The following ZNF525 variants were observed in gnomAD, a reference collection of about 807,000 sequenced individuals.
ZNF525 encodes zinc finger protein 525.
A neutral mutation model predicts 37.6 loss-of-function variants in ZNF525; 33 were observed. The ratio of observed to expected loss-of-function variants is 0.88; its 90% CI spans 0.67 to 1.17. The LOEUF (loss-of-function observed/expected upper bound fraction) is 1.17, where lower values mean the gene tolerates loss of function less well. Ranked by LOEUF, ZNF525 falls within the 50% of genes most tolerant of loss-of-function variation. The pLI, the probability that ZNF525 is intolerant of heterozygous loss-of-function variation, is 0.00. For synonymous variants in ZNF525, 170 were observed against 182.3 expected (o/e 0.93, Z 0.54); for missense variants, 449 against 543.1 (o/e 0.83, Z 1.72).
Position 53,375,840 on chromosome 19 carries a change from A to G in ZNF525, c.86A>G (p.Gln29Arg), listed in dbSNP as rs908173610. The G allele has an allele frequency of 6.2e-7, 1 of 1,613,872 alleles. No individual in the cohort carries two copies. The highest frequency in any genetic ancestry group is 1.3e-5 in the African/African-American group (1 of 74,882). ...GAGTGGAAATGCCTGGACCCTGCTC[A>G]GAGGACTCTATACAGGGACGTGATG... Reference protein sequence around the residue: ...QEEWKCLDPAQRTLYRDVMLE... With the variant: ...QEEWKCLDPARRTLYRDVMLE... Residue 29 changes from glutamine (Q) to arginine (R), a missense_variant, in exon 3 of 4, where the codon CAG becomes CGG. Coordinates refer to ENST00000474037, the MANE Select transcript of ZNF525 (RefSeq NM_001348156.2).
rs79155456 is a variant in ZNF525 at position 53,371,977 on chromosome 19, C to T, written c.-67-238C>T. On this transcript the variant is annotated intron_variant, in intron 1 of 3. Coordinates refer to ENST00000474037, the MANE Select transcript of ZNF525 (RefSeq NM_001348156.2). ...GTATGAAGTTTGGTCAGGTCTGGGT[C>T]GGTGCCCTGAAGAGCTCATTCCAGC... 2.5e-3 allele frequency among the ~76,000 whole-genome samples: 377 copies of T among 152,218 alleles called. 2 individuals are homozygous for T. In the East Asian group the frequency reaches 0.029, roughly 12 times the overall value.
intron 1 of ZNF525, among the ~76,000 whole-genome samples, chr19:53,370,755 G>A (rs1286463203): frequency 3.3e-5 from 5 of 152,102 alleles, no homozygotes; most frequent in Admixed American, 6.5e-5. Flanking sequence ...GACTATCTTC[G>A]GGGCCTTTCT....
At chr19:53,367,319 T>G (rs1402385165) in intron 1 of ZNF525, among the ~76,000 whole-genome samples, 1 of 151,912 alleles carries the variant, frequency 6.6e-6, no homozygotes, top group Non-Finnish European at 1.5e-5. Context: ...ATACATTTTT[T>G]TTTTTAAATT....
At chr19:53,366,539 T>TGGGG (rs2085446437) in intron 1 of ZNF525, among the ~76,000 whole-genome samples, 1 of 40,152 alleles carries the variant, frequency 2.5e-5, no homozygotes, top group Non-Finnish European at 5.5e-5. Context: ...ACAGCAAAAG[T>TGGGG]GAAAAAAAAA....
chr19:53,376,232 C>T, intron 3 of ZNF525: 1 of 707,532 alleles, frequency 1.4e-6, no homozygotes, highest in Non-Finnish European at 2.6e-6. Flanking sequence ...GCGCCAACCC[C>T]CGTACCTAAC....
Position 53,372,491 on chromosome 19 carries a change from T to C in ZNF525, c.15+195T>C. 1.3e-5 allele frequency: 10 copies of C among 765,640 alleles called. No individual in the cohort carries two copies. The South Asian group carries it at 1.4e-4, about 11-fold the overall frequency. The allele number at this position is 765,640 out of a possible 1,614,324, so 47.4% of individuals were successfully genotyped here. On this transcript the variant is annotated intron_variant, in intron 2 of 3. Coordinates refer to ENST00000474037, the MANE Select transcript of ZNF525 (RefSeq NM_001348156.2). ...CAGTGACATGAACTTGGGAAGAGGC[T>C]GCACTGGGCATGGTCTTGGGAAGGG... is the stretch of plus-strand genomic sequence containing the variant.
chr19:53,386,220 T>C lies in ZNF525; in HGVS notation c.*4201T>C. ...TTTGCCATCGTGGTGTGTGCTTGACTCTGCTTCTTGCCACATCTTCTCAGA... is the reference window on the plus strand; with the variant it reads ...TTTGCCATCGTGGTGTGTGCTTGACCCTGCTTCTTGCCACATCTTCTCAGA... On this transcript the variant is annotated 3_prime_UTR_variant, in exon 4 of 4. Transcript: ENST00000474037. The C allele has an allele frequency of 1.6e-6, 1 of 641,230 alleles. No individual in the cohort carries two copies. The highest frequency in any genetic ancestry group is 1.4e-5 in the South Asian group (1 of 73,424). 39.7% of individuals were successfully genotyped at this position (641,230 alleles called of 1,614,324 possible). A position where few individuals can be genotyped will look rare whatever the true frequency, so the allele number is the denominator to read the frequency against.
chr19:53,372,912 A>G (rs2085497354), intron 2 of ZNF525, among the ~76,000 whole-genome samples: 1 of 152,170 alleles, frequency 6.6e-6, no homozygotes, highest in East Asian at 1.9e-4. Context: ...ATCCATTTGC[A>G]GCATATTAAG....
chr19:53,376,062 C>T, intron 3 of ZNF525, 166 bp downstream of exon 3: 1 of 1,450,962 alleles, frequency 6.9e-7, no homozygotes. Context: ...ATTGTCCCAC[C>T]TCAGCCTCCC....
chr19:53,367,840 T>C (rs2085459110), intron 1 of ZNF525, among the ~76,000 whole-genome samples: 1 of 152,204 alleles, frequency 6.6e-6, no homozygotes, highest in Non-Finnish European at 1.5e-5. Context: ...TTTCATGGCT[T>C]ACTGGGCCAG....
In ZNF525 at chr19:53,383,085, G is replaced by A; in HGVS notation, c.*1066G>A. 4 of 1,392,414 alleles carry A rather than the reference G, an allele frequency of 2.9e-6. No homozygotes were observed. The South Asian group carries it at 4.6e-5, about 16-fold the overall frequency. 86.3% of individuals were successfully genotyped at this position (1,392,414 alleles called of 1,614,324 possible). A position where few individuals can be genotyped will look rare whatever the true frequency, so the allele number is the denominator to read the frequency against. On this transcript the variant is annotated 3_prime_UTR_variant, in exon 4 of 4. Coordinates refer to ENST00000474037, the MANE Select transcript of ZNF525 (RefSeq NM_001348156.2). The stretch of plus-strand genomic sequence containing the variant: ...AACGCTTGCAAGTGTAATAAATGTG[G>A]CGAGGTTTTTAATCAACAAGCACAC...
chr19:53,376,778 C>T (rs904773177), intron 3 of ZNF525, among the ~76,000 whole-genome samples: 2 of 152,122 alleles, frequency 1.3e-5, no homozygotes, highest in African/African-American at 4.8e-5. Context: ...CAAAACCAGC[C>T]TGTCTAACGT....
In ZNF525 at chr19:53,383,229, AACCTT is replaced by A; in HGVS notation, c.*1213_*1217del. ...CATAAGACAATTCACACTGGGGAGA[AACCTT>A]ACAAGTGTAATGAGTGTGGCAAAAC... On this transcript the variant is annotated 3_prime_UTR_variant, in exon 4 of 4. Transcript: ENST00000474037. 1 of 1,433,048 alleles carries A rather than the reference AACCTT, an allele frequency of 7.0e-7. No homozygotes were observed. The highest frequency in any genetic ancestry group is 1.1e-5 in the South Asian group (1 of 88,170). 88.8% of individuals were successfully genotyped at this position (1,433,048 alleles called of 1,614,324 possible).
At chr19:53,375,691 C>A (rs1475084832) in intron 2 of ZNF525, 79 bp from the exon 3 acceptor site, 4 of 1,611,768 alleles carry the variant, frequency 2.5e-6, no homozygotes, top group East Asian at 4.5e-5. Context: ...CCATGCTTTC[C>A]CCTCTCTCCT....
In ZNF525 at chr19:53,385,125, C is replaced by G. The variant is rs1236973996; in HGVS notation, c.*3106C>G. 1 of 494,074 alleles carries G rather than the reference C, an allele frequency of 2.0e-6. No homozygotes were observed. The highest frequency in any genetic ancestry group is 3.6e-6 in the Non-Finnish European group (1 of 279,030). 30.6% of individuals were successfully genotyped at this position (494,074 alleles called of 1,614,324 possible). A position where few individuals can be genotyped will look rare whatever the true frequency, so the allele number is the denominator to read the frequency against. On this transcript the variant is annotated 3_prime_UTR_variant, in exon 4 of 4. Transcript: ENST00000474037. Reference sequence around the variant, plus strand: ...CCTTGCATCCCAGAAATAACTGGCACTTGAATATCTACATTTTTTTAATAT... The same window carrying G: ...CCTTGCATCCCAGAAATAACTGGCAGTTGAATATCTACATTTTTTTAATAT...
At chr19:53,366,876 C>G (rs2085451568) in intron 1 of ZNF525, among the ~76,000 whole-genome samples, 1 of 151,952 alleles carries the variant, frequency 6.6e-6, no homozygotes, top group Admixed American at 6.6e-5. Flanking sequence ...AAACTGAGGA[C>G]TAGAGAGACT....
chr19:53,383,139 G>C lies in ZNF525; in HGVS notation c.*1120G>C. On this transcript the variant is annotated 3_prime_UTR_variant, in exon 4 of 4. Coordinates refer to ENST00000474037, the MANE Select transcript of ZNF525 (RefSeq NM_001348156.2). ...GCACGTCATCATAGAACTCATACTG[G>C]AGAGAAACATTACAAGTGTAATGAG... The C allele has an allele frequency of 7.5e-7, 1 of 1,330,084 alleles. No homozygotes were observed. Among genetic ancestry groups the C allele is most frequent in the Non-Finnish European group, 1.1e-6 (1 of 941,550 alleles). 82.4% of individuals were successfully genotyped at this position (1,330,084 alleles called of 1,614,324 possible). A position where few individuals can be genotyped will look rare whatever the true frequency, so the allele number is the denominator to read the frequency against.
At chr19:53,370,828 C>G (rs2085482999) in intron 1 of ZNF525, among the ~76,000 whole-genome samples, 1 of 152,234 alleles carries the variant, frequency 6.6e-6, no homozygotes, top group East Asian at 1.9e-4. Context: ...AGGGAACCCT[C>G]CACCGGCTTC....
At position 53,367,452 on chromosome 19, in the gene ZNF525, C is replaced by T. The variant is rs115837470; in HGVS notation, c.-68+1693C>T. On this transcript the variant is annotated intron_variant, in intron 1 of 3. Transcript: ENST00000474037. ...CTTTAGGCACAGGCTGATATTTATA[C>T]AGAGCTATTAGCTGAGTGGTAGTCT... Among the ~76,000 whole-genome samples the T allele has an allele frequency of 5.9e-3, 893 of 152,176 alleles. 7 individuals are homozygous for T. Among genetic ancestry groups the T allele is most frequent in the African/African-American group, 0.019 (803 of 41,512 alleles).
Sources: allele counts gnomAD v4.1 joint callset (sites outside exome capture counted in the v4.1 genomes callset), GRCh38; gene constraint gnomAD v4.1.1; transcripts MANE v1.5; gene names NCBI Gene and HGNC (gene_info 2026-07-23, HGNC 2026-07-21).